The following USP54 variants were observed in gnomAD, a reference collection of about 807,000 sequenced individuals.
USP54 encodes the protein ubiquitin specific peptidase 54.
Under a neutral mutation model 170.5 loss-of-function variants are expected in USP54, and 87 were observed. That is an observed-to-expected ratio of 0.51 (90% CI 0.43 to 0.61). The LOEUF is 0.61. Among genes scored for constraint, USP54 ranks in the 20% least tolerant of loss-of-function variants. The pLI is 0.00. For missense variants in USP54, 1,786 were observed against 2,047.8 expected, an observed-to-expected ratio of 0.87 and a Z score of 2.47; for synonymous variants, 655 against 742.8, an observed-to-expected ratio of 0.88 and a Z score of 1.92.
At chr10:73,580,326 A>C (rs2076728208) in intron 1 of USP54, among the ~76,000 whole-genome samples, 1 of 151,562 alleles carries the variant, frequency 6.6e-6, no homozygotes, top group African/African-American at 2.4e-5. Flanking sequence ...TTCAAAAAAA[A>C]AAAAAAAAAG....
At position 73,600,438 on chromosome 10, in the gene USP54, T is replaced by C. The variant is rs987856857; in HGVS notation, c.-17-24763A>G. On this transcript the variant is annotated intron_variant, in intron 1 of 22. Coordinates refer to the USP54 transcript ENST00000339859. ...ATACCCCAGTTGTAAAATTGTACTA[T>C]AATTTTGGAAGATATTGCCATTGGA... is the stretch of plus-strand genomic sequence containing the variant. Among the ~76,000 whole-genome samples, 7 of 152,218 alleles carry C rather than the reference T, an allele frequency of 4.6e-5. No homozygotes were observed. The East Asian group carries it at 1.3e-3, about 29-fold the overall frequency.
At position 73,534,596 on chromosome 10, in the gene USP54, C is replaced by G. The variant is rs1395646505; in HGVS notation, c.1315+4G>C. 1 of 1,613,454 alleles carries G rather than the reference C, an allele frequency of 6.2e-7. No homozygotes were observed. Among genetic ancestry groups the G allele is most frequent in the African/African-American group, 1.3e-5 (1 of 74,900 alleles). ...CAAGCAGGACCCTCTGTATAAGTCC[C>G]TACCTGTGTCCCGACTGCTCTGAGA... On this transcript the variant is annotated splice_donor_region_variant and intron_variant, in intron 12 of 23. Coordinates refer to ENST00000687698, the MANE Select transcript of USP54 (RefSeq NM_001391956.1).
intron 5 of USP54, among the ~76,000 whole-genome samples, chr10:73,544,244 C>A (rs2067256835): frequency 6.6e-6 from 1 of 152,116 alleles, no homozygotes. Context: ...CAGCATATAA[C>A]CTTTTGATAT....
rs1347955964 is a variant in USP54, at chr10:73,536,264, C to A, written c.1144+5G>T. 2 of 1,613,774 alleles carry A rather than the reference C, an allele frequency of 1.2e-6. No individual in the cohort carries two copies. Among genetic ancestry groups the A allele is most frequent in the Non-Finnish European group, 1.7e-6 (2 of 1,179,914 alleles). ...AGAGGAGAGGTAAAGAGCCTGGCTGCTCACCTGAATCTTCACTGTCGTAGC... is the reference window on the plus strand; with the variant it reads ...AGAGGAGAGGTAAAGAGCCTGGCTGATCACCTGAATCTTCACTGTCGTAGC... On this transcript the variant is annotated splice_donor_5th_base_variant and intron_variant, in intron 11 of 23. Coordinates refer to ENST00000687698, the MANE Select transcript of USP54 (RefSeq NM_001391956.1).
chr10:73,536,516 T>G (rs1390823780), intron 10 of USP54, 79 bp from the exon 11 acceptor site: 1 of 1,381,616 alleles, frequency 7.2e-7, no homozygotes, highest in East Asian at 2.7e-5. Flanking sequence ...TGTTCTGTAT[T>G]TCTAAAGAAA....
At chr10:73,520,308 T>C (rs937137199) in intron 18 of USP54, among the ~76,000 whole-genome samples, 1 of 152,204 alleles carries the variant, frequency 6.6e-6, no homozygotes, top group Non-Finnish European at 1.5e-5. Context: ...CCTGTCTGAC[T>C]CTGGTCTCCA....
intron 1 of USP54, among the ~76,000 whole-genome samples, chr10:73,598,452 G>T (rs2078905292): frequency 6.6e-6 from 1 of 151,994 alleles, no homozygotes; most frequent in Admixed American, 6.6e-5. Context: ...AGTAACAAAA[G>T]AAAAAAATAC....
intron 5 of USP54, among the ~76,000 whole-genome samples, chr10:73,543,631 G>T (rs2067102945): frequency 6.6e-6 from 1 of 152,218 alleles, no homozygotes; most frequent in Non-Finnish European, 1.5e-5. Flanking sequence ...CTCCCAAAGT[G>T]CTGGGATTAC....
intron 3 of USP54, among the ~76,000 whole-genome samples, chr10:73,573,129 TA>T (rs1039854188): frequency 3.8e-4 from 56 of 147,162 alleles, no homozygotes; most frequent in Middle Eastern, 3.6e-3. Context: ...CACAAACAAT[TA>T]AAAAAAAAAA....
At chr10:73,609,803 C>T (rs1273077679) in intron 1 of USP54, among the ~76,000 whole-genome samples, 2 of 149,140 alleles carry the variant, frequency 1.3e-5, no homozygotes, top group South Asian at 4.2e-4. Flanking sequence ...AAGATCATGC[C>T]ACTGCACTCC....
At chr10:73,501,262 A>G (rs2058055587) in intron 22 of USP54, among the ~76,000 whole-genome samples, 1 of 152,230 alleles carries the variant, frequency 6.6e-6, no homozygotes, top group Non-Finnish European at 1.5e-5. Context: ...GTTTAAATGT[A>G]GAATCAAGAA....
intron 4 of USP54, among the ~76,000 whole-genome samples, chr10:73,552,307 G>A (rs1456002644): frequency 6.6e-6 from 1 of 152,062 alleles, no homozygotes; most frequent in Non-Finnish European, 1.5e-5. Flanking sequence ...CAGCTACTCG[G>A]GAGGCTGACA....
At chr10:73,517,982 C>G (rs1397703802) in intron 19 of USP54, among the ~76,000 whole-genome samples, 1 of 152,184 alleles carries the variant, frequency 6.6e-6, no homozygotes, top group Admixed American at 6.5e-5. Context: ...AACACCCTCA[C>G]CAAAGTTGCA....
chr10:73,518,279 A>G, intron 19 of USP54: 12 of 967,650 alleles, frequency 1.2e-5, no homozygotes, highest in Non-Finnish European at 1.5e-5. Flanking sequence ...ATACACAGAA[A>G]TTAACCATTT....
intron 22 of USP54, among the ~76,000 whole-genome samples, chr10:73,502,012 T>C (rs1255253212): frequency 6.6e-6 from 1 of 152,242 alleles, no homozygotes; most frequent in Non-Finnish European, 1.5e-5. Context: ...TGGCATTATG[T>C]CATTTATTTG....
chr10:73,611,359 T>C (rs777370384), intron 1 of USP54, among the ~76,000 whole-genome samples: 16 of 152,062 alleles, frequency 1.1e-4, no homozygotes, highest in Non-Finnish European at 1.8e-4. Flanking sequence ...TTAAAAACCT[T>C]AGTGAAGTAC....
intron 4 of USP54, among the ~76,000 whole-genome samples, chr10:73,552,864 T>A (rs992329046): frequency 1.3e-5 from 2 of 152,134 alleles, no homozygotes; most frequent in Admixed American, 1.3e-4. Flanking sequence ...GTGCTAAATG[T>A]TAGGTATTAT....
chr10:73,498,707 CT>C lies in USP54; in HGVS notation c.4976del (p.Glu1659GlyfsTer41). 1 of 1,611,108 alleles carries C rather than the reference CT, an allele frequency of 6.2e-7. No homozygotes were observed. Among genetic ancestry groups the C allele is most frequent in the Non-Finnish European group, 8.5e-7 (1 of 1,178,204 alleles). On this transcript the variant is annotated frameshift_variant, in exon 24 of 24. Transcript: ENST00000687698. LOFTEE classifies it high-confidence loss of function. ...SHSGHRRTVG[E>X]GFLFVLSDAP... is the part of the protein sequence containing the mutation. ...CATCTGATAGAACAAACAGAAACCC[CT>C]CTCCCACTGTTCTCCTGTGTCCAGA...
chr10:73,531,722 G>A (rs1388349286), intron 12 of USP54, among the ~76,000 whole-genome samples: 1 of 152,084 alleles, frequency 6.6e-6, no homozygotes, highest in Non-Finnish European at 1.5e-5. Flanking sequence ...ACGAAACTTG[G>A]CTCCATCCAG....
Sources: gnomAD v4.1 joint callset for allele counts (sites outside exome capture counted in the v4.1 genomes callset) on GRCh38, gnomAD v4.1.1 for gene constraint, MANE v1.5 for transcripts, NCBI Gene and HGNC (gene_info 2026-07-23, HGNC 2026-07-21) for gene names.